The following C1orf21 variants were observed in gnomAD, a reference collection of about 807,000 sequenced individuals.
C1orf21 encodes chromosome 1 open reading frame 21, also known as uncharacterized protein C1orf21.
A neutral mutation model predicts 18.7 loss-of-function variants in C1orf21; 3 were observed. That is an observed-to-expected ratio of 0.16 (90% CI 0.07 to 0.42). The LOEUF is 0.42. Ranked by LOEUF, C1orf21 falls within the 10% of genes least tolerant of loss-of-function variation. C1orf21 has a pLI of 0.99. For missense variants in C1orf21, 104 were observed against 143.6 expected (o/e 0.72, Z 1.41); for synonymous variants, 41 against 46.4 (o/e 0.88, Z 0.47).
At chr1:184,392,667 C>T (rs1655989523) in intron 1 of C1orf21, among the ~76,000 whole-genome samples, 1 of 152,170 alleles carries the variant, frequency 6.6e-6, no homozygotes, top group African/African-American at 2.4e-5. Flanking sequence ...CTCCCAGCAT[C>T]CAGTGGCTTT....
chr1:184,559,198 T>C (rs1365861273), intron 3 of C1orf21, among the ~76,000 whole-genome samples: 2 of 152,136 alleles, frequency 1.3e-5, no homozygotes, highest in African/African-American at 4.8e-5. Flanking sequence ...GGATCCCTCA[T>C]GGCTTGGTGC....
At chr1:184,600,574 G>A (rs182660212) in intron 5 of C1orf21, among the ~76,000 whole-genome samples, 18 of 152,238 alleles carry the variant, frequency 1.2e-4, no homozygotes, top group African/African-American at 3.4e-4. Flanking sequence ...CCAGAATGTA[G>A]AGTACAACAA....
chr1:184,575,895 C>T (rs1217678989), intron 3 of C1orf21, among the ~76,000 whole-genome samples: 1 of 151,892 alleles, frequency 6.6e-6, no homozygotes, highest in African/African-American at 2.4e-5. Context: ...ATAGGAAGAC[C>T]CTCTTGCCTG....
chr1:184,410,653 ATATATATATAT>A lies in C1orf21; in HGVS notation c.-125+23287_-125+23297del, dbSNP rs1467574543. Among the ~76,000 whole-genome samples the A allele has an allele frequency of 5.6e-3, 33 of 5,890 alleles. 8 individuals carry two copies. Among genetic ancestry groups the A allele is most frequent in the African/African-American group, 0.038 (15 of 398 alleles). The allele number at this position is 5,890 out of a possible 152,430, so 3.9% of individuals were successfully genotyped here. ...TATATATATATATATATATATATAT[ATATATATATAT>A]TTTTTTTTTTTTTTTTTGAGATGGA... On this transcript the variant is annotated intron_variant, in intron 1 of 5. Transcript: ENST00000235307.
At chr1:184,567,156 G>A in intron 3 of C1orf21, 1 of 475,712 alleles carries the variant, frequency 2.1e-6, no homozygotes, top group Non-Finnish European at 4.3e-6. Context: ...CATGAAGGTG[G>A]TTACTGGTGT....
intron 5 of C1orf21, among the ~76,000 whole-genome samples, chr1:184,606,950 A>G (rs894872284): frequency 6.6e-6 from 1 of 152,220 alleles, no homozygotes; most frequent in Non-Finnish European, 1.5e-5. Context: ...CTGGGAAGGA[A>G]TTATGAGGCA....
At chr1:184,430,113 C>CA (rs34368090) in intron 1 of C1orf21, among the ~76,000 whole-genome samples, 14,306 of 100,260 alleles carry the variant, frequency 0.14, 1,059 homozygotes, top group East Asian at 0.29. Flanking sequence ...CTCCGTCTCA[C>CA]AAAAAAAAAA....
chr1:184,520,836 G>T (rs1408322668), intron 3 of C1orf21, among the ~76,000 whole-genome samples: 1 of 152,118 alleles, frequency 6.6e-6, no homozygotes, highest in Non-Finnish European at 1.5e-5. Flanking sequence ...ATAAAATCAG[G>T]CATAAACCCC....
At chr1:184,553,075 A>T (rs540337630) in intron 3 of C1orf21, among the ~76,000 whole-genome samples, 3 of 152,156 alleles carry the variant, frequency 2.0e-5, no homozygotes, top group Non-Finnish European at 2.9e-5. Context: ...TCTGCTGTGC[A>T]TGTCTACAGG....
At chr1:184,562,490 G>A (rs535024881) in intron 3 of C1orf21, among the ~76,000 whole-genome samples, 3 of 152,328 alleles carry the variant, frequency 2.0e-5, no homozygotes, top group Middle Eastern at 3.4e-3. Flanking sequence ...AGCCCTAGCA[G>A]CTGCATGAAA....
At chr1:184,607,764 T>C (rs573745952) in intron 5 of C1orf21, among the ~76,000 whole-genome samples, 1 of 151,586 alleles carries the variant, frequency 6.6e-6, no homozygotes, top group East Asian at 1.9e-4. Flanking sequence ...TATACATATA[T>C]AGAGAGAAAG....
At chr1:184,500,320 G>A (rs911340231) in intron 2 of C1orf21, among the ~76,000 whole-genome samples, 1 of 152,166 alleles carries the variant, frequency 6.6e-6, no homozygotes, top group African/African-American at 2.4e-5. Context: ...ATGAATGAAG[G>A]AAATGTGTTG....
At chr1:184,500,564 A>C (rs1657960198) in intron 2 of C1orf21, among the ~76,000 whole-genome samples, 1 of 152,144 alleles carries the variant, frequency 6.6e-6, no homozygotes, top group Non-Finnish European at 1.5e-5. Context: ...TCCTGTGCAT[A>C]TGCATCTCAG....
chr1:184,503,178 G>C (rs72735697), intron 2 of C1orf21, among the ~76,000 whole-genome samples: 5,622 of 150,902 alleles, frequency 0.037, 171 homozygotes, highest in Non-Finnish European at 0.055. Context: ...AAGGAACTGA[G>C]AATATTTTAT....
chr1:184,550,352 A>G (rs1658794158), intron 3 of C1orf21, among the ~76,000 whole-genome samples: 1 of 152,354 alleles, frequency 6.6e-6, no homozygotes, highest in Non-Finnish European at 1.5e-5. Flanking sequence ...ACCCAATACA[A>G]GAAAAAAAGA....
At chr1:184,598,374 T>C (rs1659545276) in intron 4 of C1orf21, 27 bp from the exon 5 acceptor site, 4 of 1,608,024 alleles carry the variant, frequency 2.5e-6, no homozygotes, top group Admixed American at 1.7e-5. Context: ...CACTAAAATA[T>C]GCACTTAACT....
chr1:184,563,776 A>G (rs1658997043), intron 3 of C1orf21, among the ~76,000 whole-genome samples: 1 of 152,220 alleles, frequency 6.6e-6, no homozygotes, highest in African/African-American at 2.4e-5. Flanking sequence ...CTTTTGGAAC[A>G]AGCCATCTAG....
intron 1 of C1orf21, among the ~76,000 whole-genome samples, chr1:184,410,652 TA>T (rs1305240290): frequency 0.013 from 90 of 7,136 alleles, 15 homozygotes; most frequent in Non-Finnish European, 0.017. Flanking sequence ...TATATATATA[TA>T]TATATATATA....
rs1437159022 is a variant in C1orf21, at chr1:184,624,461, G to C, written c.*4905G>C. On this transcript the variant is annotated 3_prime_UTR_variant, in exon 6 of 6. Coordinates refer to ENST00000235307, the MANE Select transcript of C1orf21 (RefSeq NM_030806.4). ...CAACCAGAACAGGCTTTCGAGTGCTGTGATTTCTTTCCTGGGTTCCCAAGT... is the reference window on the plus strand; with the variant it reads ...CAACCAGAACAGGCTTTCGAGTGCTCTGATTTCTTTCCTGGGTTCCCAAGT... 6.6e-6 allele frequency: 1 copy of C among 152,240 alleles called. No individual in the cohort carries two copies. Among genetic ancestry groups the C allele is most frequent in the Non-Finnish European group, 1.5e-5 (1 of 68,040 alleles). The allele number at this position is 152,240 out of a possible 1,614,324, so 9.4% of individuals were successfully genotyped here.
Sources: gnomAD v4.1 joint callset for allele counts (sites outside exome capture counted in the v4.1 genomes callset) on GRCh38, gnomAD v4.1.1 for gene constraint, MANE v1.5 for transcripts, NCBI Gene and HGNC (gene_info 2026-07-23, HGNC 2026-07-21) for gene names.